Variants in NRG1 observed in about 807,000 individuals in gnomAD.
NRG1 encodes pro-neuregulin-1, membrane-bound isoform.
In NRG1, 18 loss-of-function variants were observed where a neutral mutation model predicts 63.8. The observed-to-expected ratio is 0.28, with a 90% CI of 0.19 to 0.42. NRG1 has a LOEUF of 0.42. Among genes scored for constraint, NRG1 ranks in the 10% least tolerant of loss-of-function variants. The pLI, the probability that NRG1 is intolerant of heterozygous loss-of-function variation, is 1.00. For missense variants in NRG1, 762 were observed against 814.7 expected, an observed-to-expected ratio of 0.94 and a Z score of 0.79; for synonymous variants, 302 against 301.3, an observed-to-expected ratio of 1.00 and a Z score of -0.02.
chr8:32,051,504 T>C (rs1821970845), intron 1 of NRG1, among the ~76,000 whole-genome samples: 1 of 152,316 alleles, frequency 6.6e-6, no homozygotes, highest in South Asian at 2.1e-4. Context: ...GGTATGTAAA[T>C]GTGGGAGCTC....
intron 1 of NRG1, among the ~76,000 whole-genome samples, chr8:31,870,446 A>G (rs1427716151): frequency 1.3e-5 from 2 of 152,150 alleles, no homozygotes; most frequent in Non-Finnish European, 2.9e-5. Context: ...TTAGAAGGAA[A>G]GATATTAATA....
chr8:31,708,377 C>T (rs1016576792), intron 1 of NRG1, among the ~76,000 whole-genome samples: 1 of 151,834 alleles, frequency 6.6e-6, no homozygotes, highest in Non-Finnish European at 1.5e-5. Flanking sequence ...AGAATCACTT[C>T]GTGGAACAGA....
rs1807211676 is a variant in NRG1, at chr8:31,672,083, T to G, written c.37+32652T>G. Among the ~76,000 whole-genome samples the G allele has an allele frequency of 3.9e-5, 6 of 152,146 alleles. No homozygotes were observed. In the South Asian group the frequency reaches 1.2e-3, roughly 31 times the overall value. Reference sequence around the variant, plus strand: ...TGGATTTGCTCATCTTAAAGCTTTTTCAGTTGTCAGTGTGAGAAATGTTTC... The same window carrying G: ...TGGATTTGCTCATCTTAAAGCTTTTGCAGTTGTCAGTGTGAGAAATGTTTC... On this transcript the variant is annotated intron_variant, in intron 1 of 10. Coordinates refer to the NRG1 transcript ENST00000519301.
At chr8:32,645,922 A>T (rs1440531215) in intron 5 of NRG1, among the ~76,000 whole-genome samples, 1 of 152,194 alleles carries the variant, frequency 6.6e-6, no homozygotes, top group Admixed American at 6.5e-5. Context: ...AAACTACTGA[A>T]AGGTAAAGCT....
chr8:31,801,137 G>A (rs1286773145), intron 1 of NRG1, among the ~76,000 whole-genome samples: 1 of 151,906 alleles, frequency 6.6e-6, no homozygotes, highest in Non-Finnish European at 1.5e-5. Context: ...GTGAGCCACC[G>A]TTCCCGGCCT....
chr8:32,762,059 A>AAAAAAAAC (rs1162893361), intron 11 of NRG1, among the ~76,000 whole-genome samples: 1 of 148,264 alleles, frequency 6.7e-6, no homozygotes, highest in African/African-American at 2.6e-5. Flanking sequence ...AAAAAAAAAA[A>AAAAAAAAC]ACATTCTGGA....
intron 5 of NRG1, among the ~76,000 whole-genome samples, chr8:32,641,737 T>A (rs1003946540): frequency 6.6e-6 from 1 of 152,142 alleles, no homozygotes; most frequent in African/African-American, 2.4e-5. Context: ...TCTCACAAAG[T>A]AATGCTTAAA....
intron 1 of NRG1, among the ~76,000 whole-genome samples, chr8:32,138,705 G>A (rs1835865035): frequency 6.6e-6 from 1 of 151,972 alleles, no homozygotes; most frequent in African/African-American, 2.4e-5. Flanking sequence ...TGAGTTTATA[G>A]GCGCCCACCA....
chr8:32,519,451 C>A (rs1336371317), intron 1 of NRG1, among the ~76,000 whole-genome samples: 1 of 150,362 alleles, frequency 6.7e-6, no homozygotes, highest in Non-Finnish European at 1.5e-5. Flanking sequence ...GGAGGCATTA[C>A]CTTGGAGAAG....
chr8:31,872,265 TAAG>T (rs1829552042), intron 1 of NRG1, among the ~76,000 whole-genome samples: 1 of 152,218 alleles, frequency 6.6e-6, no homozygotes, highest in South Asian at 2.1e-4. Context: ...TTTCCCTCTT[TAAG>T]AGGGGACTCT....
At chr8:32,193,194 TC>T (rs1378371559) in intron 1 of NRG1, among the ~76,000 whole-genome samples, 1 of 152,124 alleles carries the variant, frequency 6.6e-6, no homozygotes, top group Non-Finnish European at 1.5e-5. Context: ...CTGGGGAGGA[TC>T]CTTTATTTGT....
intron 1 of NRG1, among the ~76,000 whole-genome samples, chr8:32,063,750 T>G (rs966045399): frequency 6.6e-6 from 1 of 151,934 alleles, no homozygotes; most frequent in African/African-American, 2.4e-5. Flanking sequence ...CATTTTATAT[T>G]GTGTTTAATA....
In NRG1 at chr8:32,647,578, T is replaced by C. The variant is rs1853894892; in HGVS notation, c.502+30693T>C. The C allele has an allele frequency of 2.2e-6, 3 of 1,379,292 alleles. No individual in the cohort carries two copies. The African/African-American group carries it at 4.3e-5, about 20-fold the overall frequency. The allele number at this position is 1,379,292 out of a possible 1,614,324, so 85.4% of individuals were successfully genotyped here. On this transcript the variant is annotated intron_variant, in intron 5 of 11. Transcript: ENST00000356819. Reference sequence around the variant, plus strand: ...CTTCCCCCCTTGCATCTTTCTGAACTCTTCTTGATTTTAATAATGGCCTTG... The same window carrying C: ...CTTCCCCCCTTGCATCTTTCTGAACCCTTCTTGATTTTAATAATGGCCTTG...
intron 1 of NRG1, among the ~76,000 whole-genome samples, chr8:32,263,941 A>G (rs1850645769): frequency 6.6e-6 from 1 of 152,202 alleles, no homozygotes; most frequent in Non-Finnish European, 1.5e-5. Flanking sequence ...GAATCACATA[A>G]TGTGAGAAAC....
At chr8:31,702,355 G>A (rs977377893) in intron 1 of NRG1, among the ~76,000 whole-genome samples, 2 of 152,030 alleles carry the variant, frequency 1.3e-5, no homozygotes, top group African/African-American at 4.8e-5. Flanking sequence ...ATGGATTCAT[G>A]CACGTTAGCA....
chr8:32,299,463 AG>A (rs1586698974), intron 1 of NRG1, among the ~76,000 whole-genome samples: 1 of 152,226 alleles, frequency 6.6e-6, no homozygotes, highest in East Asian at 1.9e-4. Flanking sequence ...ACTCTTATAA[AG>A]CACCTCATTT....
intron 1 of NRG1, among the ~76,000 whole-genome samples, chr8:31,651,254 A>G (rs1242378011): frequency 1.3e-5 from 2 of 152,198 alleles, no homozygotes; most frequent in African/African-American, 4.8e-5. Flanking sequence ...ATTCGCTGGC[A>G]TCGTCTTTTC....
chr8:31,873,143 A>G (rs1829631941), intron 1 of NRG1, among the ~76,000 whole-genome samples: 1 of 152,330 alleles, frequency 6.6e-6, no homozygotes, highest in East Asian at 1.9e-4. Flanking sequence ...TAGATTAGAG[A>G]CACGAAATAA....
chr8:31,714,918 A>T (rs1392773356), intron 1 of NRG1, among the ~76,000 whole-genome samples: 2 of 151,606 alleles, frequency 1.3e-5, no homozygotes, highest in Non-Finnish European at 2.9e-5. Context: ...TAGCCTTGTG[A>T]TTTTTTTTTC....
Sources: allele counts gnomAD v4.1 joint callset (sites outside exome capture counted in the v4.1 genomes callset), GRCh38; gene constraint gnomAD v4.1.1; transcripts MANE v1.5; gene names NCBI Gene and HGNC (gene_info 2026-07-23, HGNC 2026-07-21).